GATA4: variants seen among roughly 807,000 people sequenced by gnomAD.
The protein encoded by GATA4 is transcription factor GATA-4.
In GATA4, 7 loss-of-function variants were observed where a neutral mutation model predicts 37.9. That is an observed-to-expected ratio of 0.18 (90% CI 0.11 to 0.35). The LOEUF (loss-of-function observed/expected upper bound fraction) is 0.35, where lower values mean the gene tolerates loss of function less well. Ranked by LOEUF, GATA4 falls within the 10% of genes least tolerant of loss-of-function variation. The pLI, the probability that GATA4 is intolerant of heterozygous loss-of-function variation, is 1.00. For synonymous variants in GATA4, 372 were observed against 292.6 expected (o/e 1.27, Z -2.77); for missense variants, 647 against 653.0 (o/e 0.99, Z 0.10).
At chr8:11,752,895 G>A (rs1802370063) in intron 4 of GATA4, among the ~76,000 whole-genome samples, 2 of 152,004 alleles carry the variant, frequency 1.3e-5, no homozygotes, top group African/African-American at 4.8e-5. Context: ...CAAAAATGGA[G>A]GAAAGAAAAC....
chr8:11,754,634 G>A (rs563061446), intron 4 of GATA4, among the ~76,000 whole-genome samples: 1 of 152,260 alleles, frequency 6.6e-6, no homozygotes, highest in East Asian at 1.9e-4. Flanking sequence ...ACAAACTCAG[G>A]TGTCACCTCC....
intron 1 of GATA4, among the ~76,000 whole-genome samples, chr8:11,694,068 G>T (rs934334642): frequency 2.0e-5 from 3 of 152,182 alleles, no homozygotes; most frequent in African/African-American, 4.8e-5. Flanking sequence ...AGGAGGTGCC[G>T]TGGGTCCCCC....
intron 1 of GATA4, among the ~76,000 whole-genome samples, chr8:11,685,340 G>T (rs1313023670): frequency 6.6e-6 from 1 of 152,212 alleles, no homozygotes; most frequent in Non-Finnish European, 1.5e-5. Flanking sequence ...GGATGGATTT[G>T]GTTGTCCCCG....
chr8:11,727,327 A>G (rs1416127063), intron 2 of GATA4, among the ~76,000 whole-genome samples: 1 of 152,156 alleles, frequency 6.6e-6, no homozygotes, highest in African/African-American at 2.4e-5. Flanking sequence ...GAGAAGGAAG[A>G]GGAGAATGGA....
chr8:11,695,363 G>A (rs1333938639), intron 1 of GATA4, among the ~76,000 whole-genome samples: 2 of 151,974 alleles, frequency 1.3e-5, no homozygotes, highest in Non-Finnish European at 2.9e-5. Flanking sequence ...CCAAGATCGC[G>A]CCTTTGCACT....
At chr8:11,703,423 C>T (rs748698108), upstream of GATA4, among the ~76,000 whole-genome samples, 26 of 152,206 alleles carry the variant, frequency 1.7e-4, no homozygotes, top group African/African-American at 6.3e-4. Context: ...CCTGGAAGAG[C>T]CCCCTCCATG....
chr8:11,681,506 GGGA>G lies in GATA4; in HGVS notation c.-274+4444_-274+4446del, dbSNP rs1288014683. 83 of 937,468 alleles carry G rather than the reference GGGA, an allele frequency of 8.9e-5. No homozygotes were observed. The African/African-American group carries it at 1.5e-3, about 17-fold the overall frequency. 58.1% of individuals were successfully genotyped at this position (937,468 alleles called of 1,614,324 possible). A position where few individuals can be genotyped will look rare whatever the true frequency, so the allele number is the denominator to read the frequency against. On this transcript the variant is annotated intron_variant, in intron 1 of 6. Transcript: ENST00000528712. ...TGCGGCGCTCGCGGGGGGGGGGGGG[GGGA>G]TGGGGTCGGTCCCTCTCGGGAACGG...
chr8:11,747,897 C>T (rs1274819157), intron 2 of GATA4, among the ~76,000 whole-genome samples: 1 of 152,196 alleles, frequency 6.6e-6, no homozygotes, highest in Non-Finnish European at 1.5e-5. Flanking sequence ...ACGACCCACA[C>T]AGACTCAGAA....
At chr8:11,700,556 G>A (rs961783811), upstream of GATA4, 1 of 152,266 alleles carries the variant, frequency 6.6e-6, no homozygotes, top group African/African-American at 2.4e-5. Flanking sequence ...TGCGCCCGCG[G>A]AGGCTCGTGC....
chr8:11,719,052 T>C (rs1266161755), intron 2 of GATA4, among the ~76,000 whole-genome samples: 1 of 152,166 alleles, frequency 6.6e-6, no homozygotes, highest in Non-Finnish European at 1.5e-5. Context: ...TAAAAAAGAG[T>C]TCATCAATTG....
intron 1 of GATA4, chr8:11,680,749 G>A (rs758828272): frequency 8.0e-5 from 79 of 985,340 alleles, no homozygotes; most frequent in East Asian, 2.3e-4. Context: ...GGAGAGCCCG[G>A]CTTCTGCGCA....
chr8:11,679,984 A>C (rs1233152306), intron 1 of GATA4, among the ~76,000 whole-genome samples: 2 of 152,204 alleles, frequency 1.3e-5, no homozygotes, highest in Non-Finnish European at 2.9e-5. Context: ...CCGCATGATG[A>C]GAAGAAAGAA....
chr8:11,750,303 C>T (rs1323256542), intron 4 of GATA4, 67 bp downstream of exon 4: 1 of 1,597,560 alleles, frequency 6.3e-7, no homozygotes, highest in East Asian at 2.2e-5. Flanking sequence ...CCTCCCTTGT[C>T]TTCTTCCTTT....
At chr8:11,683,501 G>GT (rs1285549367) in intron 1 of GATA4, among the ~76,000 whole-genome samples, 4 of 152,164 alleles carry the variant, frequency 2.6e-5, no homozygotes, top group African/African-American at 9.7e-5. Flanking sequence ...AAGGGGCGCG[G>GT]TTCGATTCCA....
rs549543886 is a variant in GATA4, at chr8:11,759,643, T to A, written c.*1168T>A. ...ACTGCTAAGACACGGCAGGGGGGCC[T>A]GGAGGGAGCCTCCGACTCTGAGCTG... On this transcript the variant is annotated 3_prime_UTR_variant, in exon 7 of 7. Coordinates refer to ENST00000532059, the MANE Select transcript of GATA4 (RefSeq NM_001308093.3). 6.6e-6 allele frequency: 1 copy of A among 152,388 alleles called. No homozygotes were observed. The highest frequency in any genetic ancestry group is 1.5e-5 in the Non-Finnish European group (1 of 68,132). The allele number at this position is 152,388 out of a possible 1,614,324, so 9.4% of individuals were successfully genotyped here.
Position 11,708,267 on chromosome 8 carries a change from C to T in GATA4, c.-46C>T, listed in dbSNP as rs1168480442. The T allele has an allele frequency of 2.6e-6, 4 of 1,548,200 alleles. No homozygotes were observed. The highest frequency in any genetic ancestry group is 2.4e-5 in the East Asian group (1 of 42,466). On this transcript the variant is annotated 5_prime_UTR_variant, in exon 2 of 7. Coordinates refer to ENST00000532059, the MANE Select transcript of GATA4 (RefSeq NM_001308093.3). The surrounding 1 kb of genome is among the most constrained non-coding windows in gnomAD (Gnocchi z 6.7). Reference sequence around the variant, plus strand: ...TTCTCTCCCCGCGTGGCTCCTTGACCTGCGAGGGAGAGAGAGGACACCGAA... The same window carrying T: ...TTCTCTCCCCGCGTGGCTCCTTGACTTGCGAGGGAGAGAGAGGACACCGAA...
intron 2 of GATA4, among the ~76,000 whole-genome samples, chr8:11,716,594 A>G (rs527257410): frequency 7.2e-5 from 11 of 152,292 alleles, no homozygotes; most frequent in African/African-American, 2.2e-4. Context: ...TAGTGGATCT[A>G]AATCAGCAAT....
chr8:11,735,917 A>T (rs1801431529), intron 2 of GATA4, among the ~76,000 whole-genome samples: 1 of 151,990 alleles, frequency 6.6e-6, no homozygotes, highest in Non-Finnish European at 1.5e-5. Context: ...TTGAAAAAAA[A>T]AATTTTTTTT....
chr8:11,687,654 C>T (rs556482382), upstream of GATA4, among the ~76,000 whole-genome samples: 6 of 152,236 alleles, frequency 3.9e-5, no homozygotes, highest in South Asian at 1.2e-3. Context: ...GGTCACAGTA[C>T]TAATAAGTAA....
Sources: gnomAD v4.1 joint callset for allele counts (sites outside exome capture counted in the v4.1 genomes callset) on GRCh38, gnomAD v4.1.1 for gene constraint, Gnocchi (gnomAD v3.1) non-coding constraint, MANE v1.5 for transcripts, NCBI Gene and HGNC (gene_info 2026-07-23, HGNC 2026-07-21) for gene names.